The following ARFIP1 variants were observed in gnomAD, a reference collection of about 807,000 sequenced individuals.
ARFIP1 encodes arfaptin-1.
In ARFIP1, 24 loss-of-function variants were observed where a neutral mutation model predicts 42.5. That is an observed-to-expected ratio of 0.57 (90% CI 0.41 to 0.80). The LOEUF (loss-of-function observed/expected upper bound fraction) is 0.80, where lower values mean the gene tolerates loss of function less well. ARFIP1 is among the 30% of genes least tolerant of loss of function. ARFIP1 has a pLI of 0.00. For synonymous variants in ARFIP1, 141 were observed against 153.7 expected, an observed-to-expected ratio of 0.92 and a Z score of 0.61; for missense variants, 354 against 434.0, an observed-to-expected ratio of 0.82 and a Z score of 1.64.
chr4:152,869,452 C>T (rs9307897), intron 3 of ARFIP1, among the ~76,000 whole-genome samples: 96,509 of 149,066 alleles, frequency 0.65, 31,097 homozygotes, highest in Admixed American at 0.72. Flanking sequence ...TTCTTTCTTT[C>T]TTTTTTTTTT....
intron 7 of ARFIP1, 96 bp from the exon 8 acceptor site, chr4:152,888,037 G>T: frequency 1.2e-6 from 1 of 828,796 alleles, no homozygotes; most frequent in Non-Finnish European, 1.8e-6. Context: ...ATATTTTATT[G>T]TATAGTATGA....
chr4:152,812,834 T>C (rs181170879), intron 1 of ARFIP1, among the ~76,000 whole-genome samples: 7 of 152,348 alleles, frequency 4.6e-5, no homozygotes, highest in South Asian at 2.1e-4. Flanking sequence ...GATTCCTCCT[T>C]CTTTTTCATT....
intron 2 of ARFIP1, among the ~76,000 whole-genome samples, chr4:152,843,837 AC>A: frequency 6.6e-6 from 1 of 152,224 alleles, no homozygotes; most frequent in East Asian, 1.9e-4. Flanking sequence ...GACCCAGGCT[AC>A]CCACCTTCCA....
intron 2 of ARFIP1, among the ~76,000 whole-genome samples, chr4:152,853,374 C>T (rs991108174): frequency 1.3e-5 from 2 of 152,290 alleles, no homozygotes; most frequent in South Asian, 4.1e-4. Context: ...TGATGAATTA[C>T]CTCAGCTTTT....
At chr4:152,825,775 G>A (rs892059132) in intron 1 of ARFIP1, among the ~76,000 whole-genome samples, 6 of 152,114 alleles carry the variant, frequency 3.9e-5, no homozygotes, top group Admixed American at 2.6e-4. Flanking sequence ...GAAAATATTT[G>A]CAAATTATGC....
chr4:152,886,793 C>T (rs1405938357), intron 7 of ARFIP1, among the ~76,000 whole-genome samples: 2 of 151,874 alleles, frequency 1.3e-5, no homozygotes, highest in African/African-American at 2.4e-5. Flanking sequence ...GTGCCTGGAA[C>T]GTGGAAAGTG....
At chr4:152,806,781 G>A (rs1037741102) in intron 1 of ARFIP1, among the ~76,000 whole-genome samples, 6 of 126,058 alleles carry the variant, frequency 4.8e-5, no homozygotes, top group African/African-American at 1.7e-4. Flanking sequence ...ATAATAGTAT[G>A]TATTCTTTTT....
intron 2 of ARFIP1, among the ~76,000 whole-genome samples, chr4:152,832,193 G>C (rs920160522): frequency 5.9e-5 from 9 of 152,196 alleles, no homozygotes; most frequent in African/African-American, 2.2e-4. Context: ...GGTTGGACCA[G>C]CTGGCAACAC....
At chr4:152,791,840 A>C (rs1013527701) in intron 1 of ARFIP1, among the ~76,000 whole-genome samples, 3 of 152,140 alleles carry the variant, frequency 2.0e-5, no homozygotes, top group African/African-American at 7.2e-5. Context: ...ACCTCGAACA[A>C]ATTCTGTATC....
intron 1 of ARFIP1, among the ~76,000 whole-genome samples, chr4:152,808,215 G>A (rs1578841882): frequency 6.9e-6 from 1 of 145,144 alleles, no homozygotes. Flanking sequence ...CCCGACCTCA[G>A]GTGATCTTCC....
rs143686538 is a variant in ARFIP1 at position 152,903,290 on chromosome 4, G to A, written c.967-6774G>A. Among the ~76,000 whole-genome samples the A allele has an allele frequency of 8.6e-3, 1,316 of 152,154 alleles. 17 individuals carry two copies. Among genetic ancestry groups the A allele is most frequent in the African/African-American group, 0.028 (1,163 of 41,530 alleles). On this transcript the variant is annotated intron_variant, in intron 8 of 8. Transcript: ENST00000353617. ...GGATGAGTCAACACACTATTCTTACGTAAATTTGTATCTGATTTAGAAGAT... is the reference window on the plus strand; with the variant it reads ...GGATGAGTCAACACACTATTCTTACATAAATTTGTATCTGATTTAGAAGAT...
chr4:152,824,943 G>GATAT, intron 1 of ARFIP1, among the ~76,000 whole-genome samples: 1 of 151,446 alleles, frequency 6.6e-6, no homozygotes, highest in East Asian at 1.9e-4. Context: ...TTTTACAATT[G>GATAT]ATATATATAT....
At chr4:152,830,289 C>G (rs892530489) in intron 2 of ARFIP1, among the ~76,000 whole-genome samples, 1 of 152,066 alleles carries the variant, frequency 6.6e-6, no homozygotes, top group African/African-American at 2.4e-5. Flanking sequence ...GCAGTATAAC[C>G]TTGAGCCAGT....
intron 2 of ARFIP1, among the ~76,000 whole-genome samples, chr4:152,847,609 AATT>A (rs1732668840): frequency 2.0e-5 from 3 of 152,020 alleles, no homozygotes; most frequent in South Asian, 4.1e-4. Context: ...TTCTTTTAAA[AATT>A]ATTCTTTTAA....
intron 1 of ARFIP1, among the ~76,000 whole-genome samples, chr4:152,807,584 C>A (rs969583343): frequency 2.6e-5 from 4 of 151,962 alleles, no homozygotes; most frequent in African/African-American, 7.3e-5. Context: ...TGTTCTGTTA[C>A]GTTTTGGCCA....
At chr4:152,898,632 A>G (rs1579038064) in intron 8 of ARFIP1, among the ~76,000 whole-genome samples, 1 of 152,234 alleles carries the variant, frequency 6.6e-6, no homozygotes, top group African/African-American at 2.4e-5. Context: ...TCAATTATAT[A>G]TAAAATGCTA....
At chr4:152,856,958 G>A (rs945220601) in intron 2 of ARFIP1, among the ~76,000 whole-genome samples, 1 of 152,224 alleles carries the variant, frequency 6.6e-6, no homozygotes, top group Non-Finnish European at 1.5e-5. Context: ...ATGAATGAAA[G>A]GAATGCTAAT....
In ARFIP1 at chr4:152,899,852, G is replaced by A. The variant is rs555495181; in HGVS notation, c.967-10212G>A. On this transcript the variant is annotated intron_variant, in intron 8 of 8. Coordinates refer to ENST00000353617, the MANE Select transcript of ARFIP1 (RefSeq NM_001025595.3). ...TATAATACCTATATCTGTATAATAT[G>A]TGATCTAGATGATTATATACCAGTG... 5.3e-5 allele frequency among the ~76,000 whole-genome samples: 8 copies of A among 152,248 alleles called. No individual in the cohort carries two copies. In the East Asian group the frequency reaches 7.7e-4, roughly 15 times the overall value.
chr4:152,889,498 C>CATATATATATATATAT (rs71595203), intron 8 of ARFIP1, among the ~76,000 whole-genome samples: 8 of 42,784 alleles, frequency 1.9e-4, no homozygotes, highest in African/African-American at 2.0e-4. Context: ...TCATTTTAGT[C>CATATATATATATATAT]ATATATATAT....
Sources: gnomAD v4.1 joint callset for allele counts (sites outside exome capture counted in the v4.1 genomes callset) on GRCh38, gnomAD v4.1.1 for gene constraint, MANE v1.5 for transcripts, NCBI Gene and HGNC (gene_info 2026-07-23, HGNC 2026-07-21) for gene names.